The following GPRC5A variants were observed in gnomAD, a reference collection of about 807,000 sequenced individuals.
GPRC5A encodes G protein-coupled receptor class C group 5 member A.
GPRC5A carries 19 observed loss-of-function variants against 22.5 expected under a neutral mutation model. The ratio of observed to expected loss-of-function variants is 0.85; its 90% CI spans 0.59 to 1.24. GPRC5A has a LOEUF of 1.24. Among genes scored for constraint, GPRC5A ranks in the 50% most tolerant of loss-of-function variants. The pLI is 0.00. For synonymous variants in GPRC5A, 192 were observed against 184.5 expected, an observed-to-expected ratio of 1.04 and a Z score of -0.33; for missense variants, 471 against 451.1, an observed-to-expected ratio of 1.04 and a Z score of -0.40.
In GPRC5A at chr12:12,916,939, T is replaced by A. The variant is rs1330643522; in HGVS notation, c.*4400T>A. 1 of 152,310 alleles carries A rather than the reference T, an allele frequency of 6.6e-6. No individual in the cohort carries two copies. Among genetic ancestry groups the A allele is most frequent in the African/African-American group, 2.4e-5 (1 of 41,452 alleles). 9.4% of individuals were successfully genotyped at this position (152,310 alleles called of 1,614,324 possible). ...GACCTTTCCCTTCCTTGCCCTCATC[T>A]TGCTGCCAGGGTCTGCAGGTTTGCC... On this transcript the variant is annotated 3_prime_UTR_variant, in exon 4 of 4. Coordinates refer to ENST00000014914, the MANE Select transcript of GPRC5A (RefSeq NM_003979.4).
intron 1 of GPRC5A, among the ~76,000 whole-genome samples, chr12:12,892,866 T>TCA (rs1863777892): frequency 6.6e-6 from 1 of 152,150 alleles, no homozygotes; most frequent in Non-Finnish European, 1.5e-5. Flanking sequence ...GGGGAACACT[T>TCA]CAGCTACTTC....
rs1864047388 is a variant in GPRC5A at position 12,914,908 on chromosome 12, C to T, written c.*2369C>T. 1 of 152,088 alleles carries T rather than the reference C, an allele frequency of 6.6e-6. No homozygotes were observed. 9.4% of individuals were successfully genotyped at this position (152,088 alleles called of 1,614,324 possible). A position where few individuals can be genotyped will look rare whatever the true frequency, so the allele number is the denominator to read the frequency against. The stretch of plus-strand genomic sequence containing the variant: ...GTGCTGGGATTACGGGTGGGAATCA[C>T]CATGCCCAGCCTCCTTTCCATCTTT... On this transcript the variant is annotated 3_prime_UTR_variant, in exon 4 of 4. Coordinates refer to ENST00000014914, the MANE Select transcript of GPRC5A (RefSeq NM_003979.4).
At chr12:12,911,446 G>C (rs1442304713) in intron 2 of GPRC5A, among the ~76,000 whole-genome samples, 2 of 151,932 alleles carry the variant, frequency 1.3e-5, no homozygotes, top group African/African-American at 4.8e-5. Context: ...GTACACCCCT[G>C]GCCAGATCTA....
rs770465335 is a variant in GPRC5A at position 12,915,918 on chromosome 12, C to T, written c.*3379C>T. The T allele has an allele frequency of 5.7e-6, 3 of 522,642 alleles. No individual in the cohort carries two copies. The highest frequency in any genetic ancestry group is 1.2e-5 in the Non-Finnish European group (3 of 253,062). The allele number at this position is 522,642 out of a possible 1,614,324, so 32.4% of individuals were successfully genotyped here. ...CTTGCCAGGTGGCAGAAGGTTGCTG[C>T]TCATTTGAGCAGTACCTGTCACCCC... On this transcript the variant is annotated 3_prime_UTR_variant, in exon 4 of 4. Coordinates refer to ENST00000014914, the MANE Select transcript of GPRC5A (RefSeq NM_003979.4).
Position 12,908,296 on chromosome 12 carries a change from A to G in GPRC5A, c.47A>G (p.Lys16Arg), listed in dbSNP as rs772316317. Residue 16 changes from lysine to arginine, a missense_variant, in exon 2 of 4, where the codon AAG becomes AGG. By Grantham distance (26) the Lys-to-Arg change is conservative (BLOSUM62 2). Transcript: ENST00000014914. Reference protein sequence around the residue: ...PDGCRNGLKSKYYRLCDKAEA... With the variant: ...PDGCRNGLKSRYYRLCDKAEA... ...GGTTGCCGCAATGGCCTGAAATCCA[A>G]GTACTACAGACTTTGTGATAAGGCT... The G allele has an allele frequency of 3.1e-6, 5 of 1,608,600 alleles. No individual in the cohort carries two copies. The highest frequency in any genetic ancestry group is 4.2e-6 in the Non-Finnish European group (5 of 1,177,698).
intron 1 of GPRC5A, among the ~76,000 whole-genome samples, chr12:12,893,336 T>C (rs1035397470): frequency 2.0e-5 from 3 of 152,358 alleles, no homozygotes; most frequent in Middle Eastern, 3.4e-3. Context: ...CAACAGGGTA[T>C]GAAGAACAAT....
intron 2 of GPRC5A, among the ~76,000 whole-genome samples, chr12:12,910,247 C>T (rs1013968697): frequency 6.6e-6 from 1 of 152,166 alleles, no homozygotes; most frequent in African/African-American, 2.4e-5. Flanking sequence ...GTGCTACTCA[C>T]TGCAGCTATG....
Position 12,917,336 on chromosome 12 carries a change from T to G in GPRC5A, c.*4797T>G, listed in dbSNP as rs1864076660. ...GACCCTTCAAAGTGGAACAGTCCAG[T>G]GCCAAAAATTTTAGAGTTTGAGAAG... On this transcript the variant is annotated 3_prime_UTR_variant, in exon 4 of 4. Coordinates refer to ENST00000014914, the MANE Select transcript of GPRC5A (RefSeq NM_003979.4). 1 of 151,410 alleles carries G rather than the reference T, an allele frequency of 6.6e-6. No individual in the cohort carries two copies. Among genetic ancestry groups the G allele is most frequent in the South Asian group, 2.1e-4 (1 of 4,758 alleles). The allele number at this position is 151,410 out of a possible 1,614,324, so 9.4% of individuals were successfully genotyped here. A position where few individuals can be genotyped will look rare whatever the true frequency, so the allele number is the denominator to read the frequency against.
intron 1 of GPRC5A, among the ~76,000 whole-genome samples, chr12:12,899,986 C>T (rs1293611021): frequency 6.6e-6 from 1 of 152,246 alleles, no homozygotes; most frequent in Non-Finnish European, 1.5e-5. Flanking sequence ...CAACTCTACA[C>T]ACTTTCCCCA....
intron 1 of GPRC5A, among the ~76,000 whole-genome samples, chr12:12,896,263 T>C (rs1012165061): frequency 5.3e-5 from 8 of 152,142 alleles, no homozygotes; most frequent in Non-Finnish European, 7.4e-5. Flanking sequence ...AACACCGTGG[T>C]TATACTTGTT....
rs1334786172 is a variant in GPRC5A, at chr12:12,908,469, G to A, written c.220G>A (p.Gly74Ser). The A allele has an allele frequency of 1.2e-6, 2 of 1,614,046 alleles. No homozygotes were observed. The highest frequency in any genetic ancestry group is 2.2e-5 in the South Asian group (2 of 91,050). The stretch of plus-strand genomic sequence containing the variant: ...GCCTACTCAGTTTCTCTTCCTCCTG[G>A]GTGTGTTGGGCATCTTTGGCCTCAC... The part of the protein sequence containing the change: ...MLPTQFLFLL[G>S]VLGIFGLTFA... Residue 74 changes from glycine (G) to serine (S), a missense_variant, in exon 2 of 4, where the codon GGT (glycine) becomes AGT (serine). By Grantham distance (56) the Gly-to-Ser change is moderately conservative. Coordinates refer to ENST00000014914, the MANE Select transcript of GPRC5A (RefSeq NM_003979.4).
chr12:12,901,675 G>A (rs947833207), intron 1 of GPRC5A, among the ~76,000 whole-genome samples: 2 of 151,590 alleles, frequency 1.3e-5, no homozygotes, highest in Admixed American at 1.3e-4. Flanking sequence ...CTTACTGACA[G>A]GCTGGGTTGT....
rs774541281 is a variant in GPRC5A, at chr12:12,912,481, G to A, written c.1016G>A (p.Arg339Gln). The A allele has an allele frequency of 2.5e-5, 41 of 1,612,818 alleles. No homozygotes were observed. Among genetic ancestry groups the A allele is most frequent in the Non-Finnish European group, 2.1e-5 (25 of 1,178,938 alleles). The change falls in exon 4 of 4, where the codon CGG becomes CAG. Residue 339 changes from arginine to glutamine, a missense_variant. By Grantham distance (43) the Arg-to-Gln change is conservative. Coordinates refer to ENST00000014914, the MANE Select transcript of GPRC5A (RefSeq NM_003979.4). ...CCCCAAAAGGAATTCTCCATCCCAC[G>A]GGCCCACGCTTGGCCGAGCCCTTAC... is the stretch of plus-strand genomic sequence containing the variant. ...QPPQKEFSIP[R>Q]AHAWPSPYKD...
chr12:12,897,750 A>G (rs1357113327), intron 1 of GPRC5A, among the ~76,000 whole-genome samples: 1 of 151,728 alleles, frequency 6.6e-6, no homozygotes, highest in Non-Finnish European at 1.5e-5. Flanking sequence ...CTGGGACTAC[A>G]GGCGTGAGCC....
intron 1 of GPRC5A, among the ~76,000 whole-genome samples, chr12:12,892,270 T>G (rs1348683370): frequency 1.3e-5 from 2 of 150,002 alleles, no homozygotes; most frequent in African/African-American, 2.4e-5. Context: ...GCGCTGAGAG[T>G]GCACCTTCCA....
At chr12:12,910,683 G>T (rs1271588664) in intron 2 of GPRC5A, among the ~76,000 whole-genome samples, 1 of 152,066 alleles carries the variant, frequency 6.6e-6, no homozygotes, top group Non-Finnish European at 1.5e-5. Flanking sequence ...CCTTCTCCAG[G>T]ATCAGGCATT....
At chr12:12,900,910 A>C (rs1347374584) in intron 1 of GPRC5A, among the ~76,000 whole-genome samples, 42 of 121,240 alleles carry the variant, frequency 3.5e-4, no homozygotes, top group African/African-American at 1.7e-3. Flanking sequence ...AAAAAAAAAA[A>C]AAACAAAAAA....
At chr12:12,908,053 A>G (rs1863961071) in intron 1 of GPRC5A, among the ~76,000 whole-genome samples, 190 bp from the exon 2 acceptor site, 1 of 152,206 alleles carries the variant, frequency 6.6e-6, no homozygotes. Context: ...CTGGTTCTTC[A>G]ACAGGTTTTA....
In GPRC5A at chr12:12,915,311, A is replaced by T. The variant is rs1799774956; in HGVS notation, c.*2772A>T. 6.6e-6 allele frequency: 1 copy of T among 152,280 alleles called. No individual in the cohort carries two copies. 9.4% of individuals were successfully genotyped at this position (152,280 alleles called of 1,614,324 possible). On this transcript the variant is annotated 3_prime_UTR_variant, in exon 4 of 4. Transcript: ENST00000014914. ...GATCCAGGCATGGGTCTTTACACTG[A>T]TAGTTACAGTAAGTTTTAAAATCTG... is the stretch of plus-strand genomic sequence containing the variant.
Sources: allele counts gnomAD v4.1 joint callset (sites outside exome capture counted in the v4.1 genomes callset), GRCh38; gene constraint gnomAD v4.1.1; transcripts MANE v1.5; gene names NCBI Gene and HGNC (gene_info 2026-07-23, HGNC 2026-07-21).